TENM4: variants seen among roughly 807,000 people sequenced by gnomAD.
TENM4 encodes teneurin-4.
Under a neutral mutation model 243.3 loss-of-function variants are expected in TENM4, and 82 were observed. The observed-to-expected ratio is 0.34, with a 90% CI of 0.28 to 0.40. The LOEUF (loss-of-function observed/expected upper bound fraction) is 0.40. Among genes scored for constraint, TENM4 ranks in the 10% least tolerant of loss-of-function variants. The pLI, the probability that TENM4 is intolerant of heterozygous loss-of-function variation, is 1.00. For synonymous variants in TENM4, 1,412 were observed against 1,456.3 expected, an observed-to-expected ratio of 0.97 and a Z score of 0.69; for missense variants, 3,138 against 3,673.3, an observed-to-expected ratio of 0.85 and a Z score of 3.77.
At chr11:78,979,069 G>A (rs1259355286) in intron 6 of TENM4, among the ~76,000 whole-genome samples, 1 of 152,192 alleles carries the variant, frequency 6.6e-6, no homozygotes, top group Non-Finnish European at 1.5e-5. Flanking sequence ...GTTTCTGCAA[G>A]CCAAATTCTC....
intron 1 of TENM4, among the ~76,000 whole-genome samples, chr11:79,301,203 T>C (rs1203280031): frequency 2.0e-5 from 3 of 152,224 alleles, no homozygotes; most frequent in South Asian, 2.1e-4. Flanking sequence ...GACACTTTCC[T>C]ATTCTACTAA....
rs1401894080 is a variant in TENM4 at position 79,056,751 on chromosome 11, G to T, written c.493+7987C>A. Among the ~76,000 whole-genome samples the T allele has an allele frequency of 3.3e-5, 5 of 152,274 alleles. No homozygotes were observed. In the East Asian group the frequency reaches 9.7e-4, roughly 29 times the overall value. Reference sequence around the variant, plus strand: ...GCAGCAGGATGGAGCGTGGTGGGAGGAGTGGGCAAGGGATATGGCTCATCA... The same window carrying T: ...GCAGCAGGATGGAGCGTGGTGGGAGTAGTGGGCAAGGGATATGGCTCATCA... On this transcript the variant is annotated intron_variant, in intron 6 of 33. Transcript: ENST00000278550.
At chr11:79,421,574 G>A (rs918735442) in intron 1 of TENM4, among the ~76,000 whole-genome samples, 1 of 152,080 alleles carries the variant, frequency 6.6e-6, no homozygotes, top group African/African-American at 2.4e-5. Context: ...TAATTCTAAC[G>A]GGGTTTTCAC....
intron 6 of TENM4, among the ~76,000 whole-genome samples, chr11:79,046,399 C>T (rs996814883): frequency 6.6e-6 from 1 of 152,142 alleles, no homozygotes; most frequent in African/African-American, 2.4e-5. Context: ...TGTCATAGTG[C>T]CTGGCAACTA....
rs530560272 is a variant in TENM4, at chr11:78,903,469, A to AGCGGCG, written c.542_547dup (p.Pro181_Pro182dup). ...CTGGTTGGGGGTGTGGGCGTGCGAG[A>AGCGGCG]GCGGCGGCGGCGGCGTCCGGAGCCG... On this transcript the variant is annotated inframe_insertion, in exon 7 of 34. Transcript: ENST00000278550. The AGCGGCG allele has an allele frequency of 3.9e-6, 6 of 1,548,370 alleles. No homozygotes were observed. The African/African-American group carries it at 4.1e-5, about 11-fold the overall frequency.
chr11:79,427,085 C>A (rs905651765), intron 1 of TENM4, among the ~76,000 whole-genome samples: 1 of 151,506 alleles, frequency 6.6e-6, no homozygotes, highest in South Asian at 2.1e-4. Context: ...ACCATGGTAC[C>A]CTGGTGACAC....
chr11:79,390,491 G>C (rs1053368798), intron 1 of TENM4, among the ~76,000 whole-genome samples: 8 of 152,192 alleles, frequency 5.3e-5, no homozygotes, highest in African/African-American at 1.9e-4. Context: ...TGAATCACAA[G>C]TATCACCCAC....
intron 3 of TENM4, among the ~76,000 whole-genome samples, chr11:79,156,383 C>A (rs1043432555): frequency 9.8e-5 from 15 of 152,368 alleles, no homozygotes; most frequent in Admixed American, 3.9e-4. Flanking sequence ...GTGTGTAACG[C>A]ATACCCCACC....
At chr11:78,950,235 C>T (rs185731739) in intron 6 of TENM4, among the ~76,000 whole-genome samples, 31 of 152,194 alleles carry the variant, frequency 2.0e-4, no homozygotes, top group African/African-American at 7.5e-4. Flanking sequence ...GTCATCCACA[C>T]AGGGCCCAAT....
intron 3 of TENM4, among the ~76,000 whole-genome samples, chr11:79,163,112 T>C (rs1411391064): frequency 1.3e-5 from 2 of 152,090 alleles, no homozygotes; most frequent in Non-Finnish European, 2.9e-5. Context: ...TGACCCCACA[T>C]ACCAGTTCAT....
At chr11:78,968,612 T>TG (rs1857482798) in intron 6 of TENM4, among the ~76,000 whole-genome samples, 2 of 152,004 alleles carry the variant, frequency 1.3e-5, no homozygotes, top group Non-Finnish European at 2.9e-5. Flanking sequence ...GGCAGAGGGG[T>TG]GGGGCATTTA....
At chr11:79,035,692 G>A (rs929484487) in intron 6 of TENM4, among the ~76,000 whole-genome samples, 2 of 152,114 alleles carry the variant, frequency 1.3e-5, no homozygotes, top group African/African-American at 4.8e-5. Context: ...TCTATGCTGT[G>A]TTGTTAAACT....
chr11:79,326,485 G>A (rs539797772), intron 1 of TENM4, among the ~76,000 whole-genome samples: 2 of 152,006 alleles, frequency 1.3e-5, no homozygotes, highest in East Asian at 1.9e-4. Flanking sequence ...CCTCCCCCTC[G>A]CCTAAAGACC....
chr11:78,769,616 T>C (rs1856608092), intron 18 of TENM4, among the ~76,000 whole-genome samples: 1 of 152,218 alleles, frequency 6.6e-6, no homozygotes, highest in Non-Finnish European at 1.5e-5. Context: ...CCACAAGTTT[T>C]AGATCGATTA....
At chr11:79,297,790 C>T (rs1379427905) in intron 1 of TENM4, among the ~76,000 whole-genome samples, 4 of 152,132 alleles carry the variant, frequency 2.6e-5, no homozygotes, top group African/African-American at 4.8e-5. Flanking sequence ...ACAGAAAATT[C>T]AGCCTTCCAA....
intron 2 of TENM4, among the ~76,000 whole-genome samples, chr11:79,242,984 G>A (rs181889688): frequency 2.8e-4 from 42 of 152,216 alleles, no homozygotes; most frequent in Non-Finnish European, 5.1e-4. Context: ...CCACTTGTTC[G>A]GGGCCTGGGG....
At chr11:78,927,042 G>T (rs1294720207) in intron 6 of TENM4, among the ~76,000 whole-genome samples, 1 of 152,166 alleles carries the variant, frequency 6.6e-6, no homozygotes, top group African/African-American at 2.4e-5. Context: ...TTTGCTTGCT[G>T]TGCACTAATA....
At chr11:78,812,390 C>T (rs1015499308) in intron 13 of TENM4, 74 bp from the exon 14 acceptor site, 1 of 1,492,572 alleles carries the variant, frequency 6.7e-7, no homozygotes, top group Non-Finnish European at 9.0e-7. Context: ...TCTTTCTCCT[C>T]CTGGCCTGCC....
intron 1 of TENM4, among the ~76,000 whole-genome samples, chr11:79,346,053 G>A (rs183247530): frequency 6.6e-6 from 1 of 152,248 alleles, no homozygotes; most frequent in Admixed American, 6.5e-5. Context: ...CAGTCCTGAC[G>A]ACCTGATCTC....
Sources: allele counts gnomAD v4.1 joint callset (sites outside exome capture counted in the v4.1 genomes callset), GRCh38; gene constraint gnomAD v4.1.1; transcripts MANE v1.5; gene names NCBI Gene and HGNC (gene_info 2026-07-23, HGNC 2026-07-21).